TRPM2: variants seen among roughly 807,000 people sequenced by gnomAD.
The protein encoded by TRPM2 is transient receptor potential cation channel subfamily M member 2.
Under a neutral mutation model 174.0 loss-of-function variants are expected in TRPM2, and 161 were observed. That is an observed-to-expected ratio of 0.93 (90% confidence interval 0.81 to 1.05). The LOEUF (loss-of-function observed/expected upper bound fraction) is 1.05. Ranked by LOEUF, TRPM2 falls within the 50% of genes least tolerant of loss-of-function variation. The pLI is 0.00. For missense variants in TRPM2, 2,057 were observed against 2,038.0 expected (o/e 1.01, Z -0.18); for synonymous variants, 954 against 861.3 (o/e 1.11, Z -1.88).
At chr21:44,428,553 C>T (rs2050898880) in intron 27 of TRPM2, among the ~76,000 whole-genome samples, 2 of 145,762 alleles carry the variant, frequency 1.4e-5, no homozygotes, top group South Asian at 4.4e-4. Context: ...GACTCCTCCC[C>T]TTAGGTGTGG....
chr21:44,393,422 A>G (rs2049243383), intron 11 of TRPM2, among the ~76,000 whole-genome samples: 2 of 152,150 alleles, frequency 1.3e-5, no homozygotes, highest in South Asian at 2.1e-4. Context: ...TGCAAGTTTA[A>G]TATACTGGAT....
rs192434308 is a variant in TRPM2, at chr21:44,378,624, G to A, written c.1015-373G>A. Among the ~76,000 whole-genome samples the A allele has an allele frequency of 2.3e-3, 343 of 152,302 alleles. 1 individual carries two copies. Among genetic ancestry groups the A allele is most frequent in the Admixed American group, 4.4e-3 (67 of 15,302 alleles). The stretch of plus-strand genomic sequence containing the variant: ...CCTTCCCGAAGTCCAGCACACCCTG[G>A]AGCCCAGGTGCCCTCCTCATGGCTC... On this transcript the variant is annotated intron_variant, in intron 7 of 31. Transcript: ENST00000397928.
chr21:44,382,632 T>C (rs2048914663), intron 8 of TRPM2, 86 bp from the exon 9 acceptor site: 1 of 1,305,362 alleles, frequency 7.7e-7, no homozygotes, highest in Non-Finnish European at 1.1e-6. Flanking sequence ...GCTCTGGCTG[T>C]GTCCGGGGCC....
chr21:44,379,940 G>A (rs760603197), intron 8 of TRPM2, among the ~76,000 whole-genome samples: 4 of 152,198 alleles, frequency 2.6e-5, no homozygotes, highest in Non-Finnish European at 2.9e-5. Flanking sequence ...CTGCAGACCC[G>A]GGACATCTCC....
chr21:44,391,299 GC>G lies in TRPM2; in HGVS notation c.1469del (p.Ala490ValfsTer11). ...TTCAGATCTGCACCCCACGATGACA[GC>G]TGCACTCATCTCCAACAAGCCTGAG... Reference protein sequence around the residue: ...KPSDLHPTMTAALISNKPEFV... With the variant: ...KPSDLHPTMTXALISNKPEFV... On this transcript the variant is annotated frameshift_variant, in exon 11 of 32. Coordinates refer to ENST00000397928, the MANE Select transcript of TRPM2 (RefSeq NM_003307.4). LOFTEE classifies it high-confidence loss of function. This position sits in a 1 kb window ranked among gnomAD's most constrained non-coding sequence, Gnocchi z 5.0. The G allele has an allele frequency of 2.5e-6, 4 of 1,614,030 alleles. No homozygotes were observed. Among genetic ancestry groups the G allele is most frequent in the Non-Finnish European group, 3.4e-6 (4 of 1,180,020 alleles).
At position 44,413,959 on chromosome 21, in the gene TRPM2, A is replaced by AGCGAC; in HGVS notation, c.3039_3043dup (p.Gln1015ArgfsTer12). 1.2e-6 allele frequency: 2 copies of AGCGAC among 1,613,928 alleles called. No individual in the cohort carries two copies. The highest frequency in any genetic ancestry group is 1.1e-5 in the South Asian group (1 of 91,082). ...CCCCTACAAGCCTAAGTGCCCCGAGAGCGACGCGACGCAGCAGAGGCCGGC... is the reference window on the plus strand; with the variant it reads ...CCCCTACAAGCCTAAGTGCCCCGAGAGCGACGCGACGCGACGCAGCAGAGGCCGGC... On this transcript the variant is annotated frameshift_variant, in exon 20 of 32. Transcript: ENST00000397928. LOFTEE classifies it high-confidence loss of function.
Position 44,382,940 on chromosome 21 carries a change from A to G in TRPM2, c.1318+120A>G, listed in dbSNP as rs530314452. 4.6e-6 allele frequency: 5 copies of G among 1,097,310 alleles called. No homozygotes were observed. The African/African-American group carries it at 6.2e-5, about 14-fold the overall frequency. 68.0% of individuals were successfully genotyped at this position (1,097,310 alleles called of 1,614,324 possible). ...AACCAGAATATTCCTCCTTGGTCAG[A>G]AACCCTGGCCAGAGGGCAGCTGGCG... On this transcript the variant is annotated intron_variant, in intron 9 of 31. Coordinates refer to ENST00000397928, the MANE Select transcript of TRPM2 (RefSeq NM_003307.4).
chr21:44,361,274 G>A (rs1253854134), intron 2 of TRPM2, among the ~76,000 whole-genome samples: 2 of 152,064 alleles, frequency 1.3e-5, no homozygotes, highest in African/African-American at 4.8e-5. Flanking sequence ...CACCACGCCT[G>A]GCTAATTTTT....
In TRPM2 at chr21:44,364,371, A is replaced by C. The variant is rs886609610; in HGVS notation, c.423+89A>C. On this transcript the variant is annotated intron_variant, in intron 3 of 31. Coordinates refer to ENST00000397928, the MANE Select transcript of TRPM2 (RefSeq NM_003307.4). ...GGTGGTCGGCATTTCCTGGGGCAAGAGCAGGAGGCTGGCAAAGCTCCAGGG... is the reference window on the plus strand; with the variant it reads ...GGTGGTCGGCATTTCCTGGGGCAAGCGCAGGAGGCTGGCAAAGCTCCAGGG... 33 of 1,502,582 alleles carry C rather than the reference A, an allele frequency of 2.2e-5. No individual in the cohort carries two copies. The East Asian group carries it at 7.2e-4, about 33-fold the overall frequency. The allele number at this position is 1,502,582 out of a possible 1,614,324, so 93.1% of individuals were successfully genotyped here.
chr21:44,424,964 C>T, intron 24 of TRPM2, 25 bp downstream of exon 24: 8 of 1,577,216 alleles, frequency 5.1e-6, no homozygotes, highest in Non-Finnish European at 6.9e-6. Context: ...AGGCCAGCAG[C>T]TGGTCTCCAG....
intron 19 of TRPM2, among the ~76,000 whole-genome samples, chr21:44,407,572 C>A (rs2049949776): frequency 6.7e-6 from 1 of 149,886 alleles, no homozygotes; most frequent in African/African-American, 2.5e-5. Flanking sequence ...ATCTGCATCA[C>A]CCTGAAAAGA....
At chr21:44,408,954 C>G (rs1476859360) in intron 19 of TRPM2, among the ~76,000 whole-genome samples, 1 of 152,088 alleles carries the variant, frequency 6.6e-6, no homozygotes, top group Non-Finnish European at 1.5e-5. Context: ...CTGCCCCCAG[C>G]CATCTTTGCC....
At chr21:44,430,202 T>C (rs1312002136) in intron 27 of TRPM2, among the ~76,000 whole-genome samples, 1 of 152,222 alleles carries the variant, frequency 6.6e-6, no homozygotes, top group Non-Finnish European at 1.5e-5. Flanking sequence ...AAAGTGGAAT[T>C]TGCCTATAAT....
intron 22 of TRPM2, among the ~76,000 whole-genome samples, chr21:44,420,895 T>A (rs1161500080): frequency 6.6e-6 from 1 of 152,104 alleles, no homozygotes; most frequent in Non-Finnish European, 1.5e-5. Flanking sequence ...CTTTTACCCA[T>A]GAGGAAGTGG....
chr21:44,418,303 T>C (rs2050387245), intron 21 of TRPM2, 120 bp from the exon 22 acceptor site: 58 of 1,439,544 alleles, frequency 4.0e-5, no homozygotes, highest in Non-Finnish European at 5.3e-5. Context: ...AGGTGTGCGA[T>C]GGGCTCTTCC....
Position 44,397,880 on chromosome 21 carries a change from AGCTCTGCCGGGCACGGGCTGCAGGCCATG to A in TRPM2, c.2062+9_2062+37del. 3.1e-6 allele frequency: 5 copies of A among 1,594,144 alleles called. No homozygotes were observed. Among genetic ancestry groups the A allele is most frequent in the Non-Finnish European group, 3.4e-6 (4 of 1,170,386 alleles). ...GAGTATGAGCACAGAGCCATCGGTG[AGCTCTGCCGGGCACGGGCTGCAGGCCATG>A]GCTCAGCCGTGCATGCCCTCACCTG... On this transcript the variant is annotated splice_donor_5th_base_variant and intron_variant, in intron 13 of 31. Coordinates refer to ENST00000397928, the MANE Select transcript of TRPM2 (RefSeq NM_003307.4).
chr21:44,424,894 C>T lies in TRPM2; in HGVS notation c.3592C>T (p.Leu1198=), dbSNP rs1172075359. ...AQALHWIVRT[L]RASGFSSEAD... ...AGCCCTGCACTGGATCGTGAGGACG[C>T]TGCGGGCCAGCGGCTTCAGCTCGGA... Residue 1198 remains leucine, a synonymous_variant, in exon 24 of 32, where the codon CTG becomes TTG. Coordinates refer to ENST00000397928, the MANE Select transcript of TRPM2 (RefSeq NM_003307.4). 1 of 1,608,492 alleles carries T rather than the reference C, an allele frequency of 6.2e-7. No individual in the cohort carries two copies. The highest frequency in any genetic ancestry group is 8.5e-7 in the Non-Finnish European group (1 of 1,178,638).
chr21:44,400,200 G>A (rs368970081), intron 14 of TRPM2, 59 bp from the exon 15 acceptor site: 28 of 1,459,794 alleles, frequency 1.9e-5, no homozygotes, highest in East Asian at 1.1e-4. Flanking sequence ...GACAGCTGAC[G>A]GGCACCATCT....
intron 16 of TRPM2, among the ~76,000 whole-genome samples, chr21:44,403,822 C>T (rs528580718): frequency 1.3e-5 from 2 of 152,038 alleles, no homozygotes; most frequent in African/African-American, 4.8e-5. Flanking sequence ...TATACACATG[C>T]ACACACATGC....
Sources: allele counts gnomAD v4.1 joint callset (sites outside exome capture counted in the v4.1 genomes callset), GRCh38; gene constraint gnomAD v4.1.1; non-coding constraint Gnocchi (gnomAD v3.1); transcripts MANE v1.5; gene names NCBI Gene and HGNC (gene_info 2026-07-23, HGNC 2026-07-21).